Variants in CRYBG1 observed in about 807,000 individuals in gnomAD.
CRYBG1 encodes the protein crystallin beta-gamma domain containing 1, also known as beta/gamma crystallin domain-containing protein 1.
CRYBG1 carries 139 observed loss-of-function variants against 189.2 expected under a neutral mutation model. The ratio of observed to expected loss-of-function variants is 0.73; its 90% CI spans 0.64 to 0.85. CRYBG1 has a LOEUF of 0.85. CRYBG1 is among the 40% of genes least tolerant of loss of function. The pLI is 0.00. For missense variants in CRYBG1, 2,611 were observed against 2,675.8 expected (o/e 0.98, Z 0.53); for synonymous variants, 1,023 against 1,017.1 (o/e 1.01, Z -0.11).
chr6:106,555,902 G>T lies in CRYBG1; in HGVS notation c.5715+5G>T, dbSNP rs1227822497. ...TCTCTTCGTTTTATAGATGTTGTAA[G>T]TATGTCATTGTGAATAGTGTTGCAG... On this transcript the variant is annotated splice_donor_5th_base_variant and intron_variant, in intron 17 of 21. Transcript: ENST00000633556. 5.0e-6 allele frequency: 8 copies of T among 1,614,136 alleles called. No individual in the cohort carries two copies. Among genetic ancestry groups the T allele is most frequent in the Non-Finnish European group, 5.9e-6 (7 of 1,179,978 alleles).
rs747681910 is a variant in CRYBG1, at chr6:106,558,539, A to G, written c.5769A>G (p.Lys1923=). Residue 1923 remains lysine (K), a synonymous_variant, in exon 18 of 22, where the codon AAA becomes AAG. Transcript: ENST00000633556. The part of the protein sequence containing the change: ...ILFEREDFKG[K]KIELNAETVN... ...TTGAAAGAGAAGACTTCAAAGGAAA[A>G]AAGATTGAACTTAATGCAGAAACTG... 12 of 1,612,296 alleles carry G rather than the reference A, an allele frequency of 7.4e-6. No homozygotes were observed. In the East Asian group the frequency reaches 2.7e-4, roughly 36 times the overall value.
intron 20 of CRYBG1, 39 bp downstream of exon 20, chr6:106,561,539 G>A: frequency 6.3e-7 from 1 of 1,584,390 alleles, no homozygotes; most frequent in Non-Finnish European, 8.6e-7. Flanking sequence ...TGATGGCTTT[G>A]CTAGGAGGTG....
intron 2 of CRYBG1, among the ~76,000 whole-genome samples, chr6:106,454,381 A>G (rs1771844194): frequency 6.6e-6 from 1 of 152,028 alleles, no homozygotes; most frequent in Non-Finnish European, 1.5e-5. Flanking sequence ...ACACCCCACT[A>G]CCACCTCCCT....
chr6:106,511,877 C>A lies in CRYBG1; in HGVS notation c.760C>A (p.Gln254Lys), dbSNP rs1773268131. The stretch of plus-strand genomic sequence containing the variant: ...CCCAGATGCCACCACCACTGCCAAG[C>A]AGCTGCATTCCTCGCCGGGAAATTC... ...PFPDATTTAK[Q>K]LHSSPGNSSR... Residue 254 changes from glutamine (Q) to lysine (K), a missense_variant, in exon 3 of 22, where the codon CAG becomes AAG. Gln to Lys is a moderately conservative substitution (Grantham distance 53). This residue lies in a region of CRYBG1 where 985 missense variants were observed against 924.4 expected (regional missense o/e 1.07). Transcript: ENST00000633556. 6.6e-7 allele frequency: 1 copy of A among 1,519,834 alleles called. No homozygotes were observed. The allele number at this position is 1,519,834 out of a possible 1,614,324, so 94.1% of individuals were successfully genotyped here. A position where few individuals can be genotyped will look rare whatever the true frequency, so the allele number is the denominator to read the frequency against.
At chr6:106,552,265 T>C in intron 15 of CRYBG1, 49 bp downstream of exon 15, 1 of 1,264,886 alleles carries the variant, frequency 7.9e-7, no homozygotes, top group Non-Finnish European at 1.1e-6. Context: ...GGCCTTCCAT[T>C]GAAAAGCTGA....
At chr6:106,482,637 T>C (rs557317678) in intron 2 of CRYBG1, among the ~76,000 whole-genome samples, 5 of 152,128 alleles carry the variant, frequency 3.3e-5, no homozygotes, top group East Asian at 1.9e-4. Flanking sequence ...TAGCTGGGCG[T>C]GGTGGCGGGC....
chr6:106,431,558 C>T (rs1771327067), intron 1 of CRYBG1, among the ~76,000 whole-genome samples: 1 of 152,010 alleles, frequency 6.6e-6, no homozygotes. Context: ...CTTGCTTGTT[C>T]CAGTTAAACA....
At chr6:106,400,415 T>C (rs532064790) in intron 1 of CRYBG1, among the ~76,000 whole-genome samples, 4 of 152,366 alleles carry the variant, frequency 2.6e-5, no homozygotes, top group Admixed American at 2.6e-4. Context: ...GCTTATGTTT[T>C]CTTCATCTTT....
Position 106,544,600 on chromosome 6 carries a change from C to T in CRYBG1, c.5069C>T (p.Thr1690Ile), listed in dbSNP as rs373066793. The T allele has an allele frequency of 2.2e-5, 35 of 1,613,712 alleles. No homozygotes were observed. The highest frequency in any genetic ancestry group is 2.9e-5 in the Non-Finnish European group (34 of 1,179,858). Residue 1690 changes from threonine (T) to isoleucine (I), a missense_variant, in exon 12 of 22, where the codon ACC becomes ATC. By Grantham distance (89) the Thr-to-Ile change is moderately conservative. Around this residue, in one of 3 missense-constraint regions of CRYBG1, gnomAD observed 1,622 missense variants for 1,735.0 expected, o/e 0.93. Transcript: ENST00000633556. The stretch of plus-strand genomic sequence containing the variant: ...GTTGCATATGAGAAACCTGGATTTA[C>T]CGGTCATCAGTATTTGCTAGAAGAA... ...IWVAYEKPGF[T>I]GHQYLLEEGE...
At chr6:106,478,765 T>A (rs147930354) in intron 2 of CRYBG1, among the ~76,000 whole-genome samples, 3 of 152,272 alleles carry the variant, frequency 2.0e-5, no homozygotes, top group African/African-American at 7.2e-5. Context: ...TCACTTGCAT[T>A]ACCACCGGAG....
Position 106,571,079 on chromosome 6 carries a change from T to C in CRYBG1, c.*2513T>C, listed in dbSNP as rs76153017. The stretch of plus-strand genomic sequence containing the variant: ...CTCCATTGGAAGGCTGCAATTTCCA[T>C]GGAAAAGCCCTCAGAGAAGCATGTT... On this transcript the variant is annotated 3_prime_UTR_variant, in exon 22 of 22. Transcript: ENST00000633556. 6.6e-6 allele frequency: 1 copy of C among 152,182 alleles called. No individual in the cohort carries two copies. Among genetic ancestry groups the C allele is most frequent in the African/African-American group, 2.4e-5 (1 of 41,428 alleles). The allele number at this position is 152,182 out of a possible 1,614,324, so 9.4% of individuals were successfully genotyped here.
intron 1 of CRYBG1, among the ~76,000 whole-genome samples, chr6:106,374,161 A>C (rs943699484): frequency 2.0e-5 from 3 of 152,200 alleles, no homozygotes; most frequent in African/African-American, 7.2e-5. Flanking sequence ...TGGCAAATTG[A>C]GTCTCACTCC....
intron 3 of CRYBG1, among the ~76,000 whole-genome samples, chr6:106,515,412 G>C (rs1773395296): frequency 6.6e-6 from 1 of 152,174 alleles, no homozygotes; most frequent in Admixed American, 6.5e-5. Context: ...GCAGATACGT[G>C]TTTCCTGTCC....
In CRYBG1 at chr6:106,495,840, A is replaced by AC. The variant is rs5878895; in HGVS notation, c.313-15589dup. Reference sequence around the variant, plus strand: ...TGAGTAAAAAAAAAAAAAAAAAACAACTTTCCCCCCTGCCCCCTTTTCAAA... The same window carrying AC: ...TGAGTAAAAAAAAAAAAAAAAAACAACCTTTCCCCCCTGCCCCCTTTTCAAA... On this transcript the variant is annotated intron_variant, in intron 2 of 21. Transcript: ENST00000633556. 1.9e-4 allele frequency among the ~76,000 whole-genome samples: 28 copies of AC among 149,140 alleles called. 2 individuals are homozygous for AC. Among genetic ancestry groups the AC allele is most frequent in the African/African-American group, 6.7e-4 (27 of 40,526 alleles).
At chr6:106,458,122 A>G (rs1562312673) in intron 2 of CRYBG1, among the ~76,000 whole-genome samples, 1 of 152,258 alleles carries the variant, frequency 6.6e-6, no homozygotes, top group African/African-American at 2.4e-5. Flanking sequence ...TTTTCTGAAG[A>G]CGGAGGAGTG....
chr6:106,423,754 A>G (rs1486733851), intron 1 of CRYBG1, among the ~76,000 whole-genome samples: 1 of 123,104 alleles, frequency 8.1e-6, no homozygotes, highest in Admixed American at 1.1e-4. Context: ...CACCAAAGCT[A>G]GAGTGCAATG....
chr6:106,548,306 T>G (rs1202657120), intron 13 of CRYBG1, among the ~76,000 whole-genome samples: 3 of 152,070 alleles, frequency 2.0e-5, no homozygotes, highest in Non-Finnish European at 4.4e-5. Flanking sequence ...CTCCCCCCAT[T>G]CATGGGTGAT....
At chr6:106,457,916 G>A (rs1270023896) in intron 2 of CRYBG1, among the ~76,000 whole-genome samples, 2 of 152,178 alleles carry the variant, frequency 1.3e-5, no homozygotes, top group African/African-American at 2.4e-5. Context: ...TGTGCAAAAC[G>A]GGGGAATAGT....
chr6:106,481,036 G>C (rs1353261725), intron 2 of CRYBG1, among the ~76,000 whole-genome samples: 4 of 75,538 alleles, frequency 5.3e-5, no homozygotes, highest in Non-Finnish European at 9.5e-5. Context: ...TGCAGTGGCG[G>C]GATCTCGGCT....
Sources: gnomAD v4.1 joint callset for allele counts (sites outside exome capture counted in the v4.1 genomes callset) on GRCh38, gnomAD v4.1.1 for gene constraint, gnomAD v4.1.1 regional missense constraint, MANE v1.5 for transcripts, NCBI Gene and HGNC (gene_info 2026-07-23, HGNC 2026-07-21) for gene names.